The following FOXP1 variants were observed in gnomAD, a reference collection of about 807,000 sequenced individuals.
FOXP1 encodes the protein forkhead box P1.
Under a neutral mutation model 98.2 loss-of-function variants are expected in FOXP1, and 15 were observed. The observed-to-expected ratio is 0.15, with a 90% CI of 0.10 to 0.24. The LOEUF (loss-of-function observed/expected upper bound fraction) is 0.24, where lower values mean the gene tolerates loss of function less well. FOXP1 is among the 10% of genes least tolerant of loss of function. FOXP1 has a pLI of 1.00. For missense variants in FOXP1, 633 were observed against 848.5 expected (o/e 0.75, Z 3.15); for synonymous variants, 371 against 314.5 (o/e 1.18, Z -1.90).
chr3:71,126,809 G>A (rs2059216909), intron 6 of FOXP1, among the ~76,000 whole-genome samples: 1 of 139,882 alleles, frequency 7.1e-6, no homozygotes, highest in African/African-American at 2.7e-5. Context: ...GGGTTACAGA[G>A]CAAGACTCTG....
intron 3 of FOXP1, among the ~76,000 whole-genome samples, chr3:71,404,168 C>T (rs1464356339): frequency 9.5e-6 from 1 of 105,606 alleles, no homozygotes; most frequent in African/African-American, 3.6e-5. Flanking sequence ...GCTCTTGTTG[C>T]CCAGGCTGGA....
chr3:71,341,438 T>C (rs1164026662), intron 4 of FOXP1, among the ~76,000 whole-genome samples: 2 of 152,094 alleles, frequency 1.3e-5, no homozygotes, highest in African/African-American at 4.8e-5. Context: ...GATAAAGCAG[T>C]ACTCAGAGGG....
At chr3:70,972,435 T>G in intron 18 of FOXP1, 120 bp downstream of exon 18, 1 of 1,440,070 alleles carries the variant, frequency 6.9e-7, no homozygotes, top group African/African-American at 1.4e-5. Flanking sequence ...TTGCTTCCCT[T>G]AACTGAGACA....
chr3:71,493,294 A>T (rs2091195130), intron 3 of FOXP1, 132 bp downstream of exon 3: 2 of 152,230 alleles, frequency 1.3e-5, no homozygotes, highest in Non-Finnish European at 2.9e-5. Flanking sequence ...AAAAGATTAC[A>T]CCAGAAAACA....
intron 5 of FOXP1, among the ~76,000 whole-genome samples, chr3:71,213,369 T>G (rs990958482): frequency 4.6e-5 from 7 of 152,222 alleles, no homozygotes; most frequent in African/African-American, 1.7e-4. Context: ...CCTTAACACA[T>G]AAGACCTTTT....
chr3:71,418,121 GT>G (rs869285198), intron 3 of FOXP1, among the ~76,000 whole-genome samples: 7 of 134,248 alleles, frequency 5.2e-5, no homozygotes, highest in Middle Eastern at 3.6e-3. Context: ...TTGTGGGTGT[GT>G]GTGTGTGTGT....
At chr3:71,260,659 C>T (rs967109676) in intron 5 of FOXP1, among the ~76,000 whole-genome samples, 1 of 151,936 alleles carries the variant, frequency 6.6e-6, no homozygotes, top group African/African-American at 2.4e-5. Flanking sequence ...TCTCCTGCCC[C>T]AGCCTTCCAA....
intron 6 of FOXP1, among the ~76,000 whole-genome samples, chr3:71,175,022 C>T (rs1311009628): frequency 1.3e-5 from 2 of 151,906 alleles, no homozygotes; most frequent in Non-Finnish European, 2.9e-5. Flanking sequence ...AAGCCATTCT[C>T]CTGCCTCAGC....
At chr3:71,521,768 C>A (rs957751440) in intron 2 of FOXP1, among the ~76,000 whole-genome samples, 1 of 152,168 alleles carries the variant, frequency 6.6e-6, no homozygotes, top group African/African-American at 2.4e-5. Flanking sequence ...GATCTGGCCA[C>A]ATGAAACTAA....
chr3:71,052,431 A>G lies in FOXP1; in HGVS notation c.510+106T>C, dbSNP rs543294391. On this transcript the variant is annotated intron_variant, in intron 9 of 20. Coordinates refer to ENST00000649528, the MANE Select transcript of FOXP1 (RefSeq NM_001349338.3). ...CAGTCTGAAAGCTGAGAACCGATAG[A>G]GTCAGCTCAGTTGTGCAATCATTTA... 3.8e-6 allele frequency: 3 copies of G among 788,388 alleles called. No homozygotes were observed. The East Asian group carries it at 7.4e-5, about 20-fold the overall frequency. 48.8% of individuals were successfully genotyped at this position (788,388 alleles called of 1,614,324 possible).
At chr3:71,301,507 A>C (rs2073843358) in intron 4 of FOXP1, among the ~76,000 whole-genome samples, 1 of 152,190 alleles carries the variant, frequency 6.6e-6, no homozygotes, top group Non-Finnish European at 1.5e-5. Context: ...GATCCTACTC[A>C]ATTCAAAGCA....
At chr3:71,424,790 A>G (rs1029361884) in intron 3 of FOXP1, among the ~76,000 whole-genome samples, 1 of 152,208 alleles carries the variant, frequency 6.6e-6, no homozygotes, top group African/African-American at 2.4e-5. Flanking sequence ...TCTGTCAGCA[A>G]AAGTGGAGGA....
upstream of FOXP1, chr3:71,583,791 G>A (rs2048382667): frequency 8.1e-6 from 8 of 986,736 alleles, no homozygotes; most frequent in Non-Finnish European, 9.6e-6. Flanking sequence ...GCTTCCCGGA[G>A]CCCAGCCAGC....
At chr3:71,467,564 T>C (rs1560526703) in intron 3 of FOXP1, among the ~76,000 whole-genome samples, 1 of 152,202 alleles carries the variant, frequency 6.6e-6, no homozygotes, top group Non-Finnish European at 1.5e-5. Context: ...ACAGCTCTTG[T>C]ATTAAAGGAA....
At position 71,091,484 on chromosome 3, in the gene FOXP1, C is replaced by A. The variant is rs542152089; in HGVS notation, c.282+21052G>T. The stretch of plus-strand genomic sequence containing the variant: ...CAGCCTGGGTGACAGAGCAAGACTC[C>A]GTCTCAAAACAAAACAAAACAAAAC... On this transcript the variant is annotated intron_variant, in intron 7 of 20. Coordinates refer to ENST00000649528, the MANE Select transcript of FOXP1 (RefSeq NM_001349338.3). Among the ~76,000 whole-genome samples, 17 of 150,060 alleles carry A rather than the reference C, an allele frequency of 1.1e-4. No individual in the cohort carries two copies. The South Asian group carries it at 1.9e-3, about 17-fold the overall frequency.
chr3:71,131,667 C>T (rs762217204), intron 6 of FOXP1, among the ~76,000 whole-genome samples: 12 of 152,176 alleles, frequency 7.9e-5, no homozygotes, highest in East Asian at 3.8e-4. Flanking sequence ...TTCAAAGCAA[C>T]GGCAGCTTGA....
intron 7 of FOXP1, among the ~76,000 whole-genome samples, chr3:71,075,820 T>A (rs1195418186): frequency 6.6e-6 from 1 of 151,962 alleles, no homozygotes; most frequent in Non-Finnish European, 1.5e-5. Flanking sequence ...GCTCAAAGGA[T>A]CCTCCGGCCT....
chr3:71,394,625 T>C (rs1343709276), intron 3 of FOXP1, among the ~76,000 whole-genome samples: 1 of 152,224 alleles, frequency 6.6e-6, no homozygotes, highest in Non-Finnish European at 1.5e-5. Context: ...ATTTTGTATA[T>C]GACTTTGCAT....
intron 7 of FOXP1, chr3:71,065,730 TACA>T (rs1405361346): frequency 6.6e-6 from 1 of 152,236 alleles, no homozygotes; most frequent in Non-Finnish European, 1.5e-5. Flanking sequence ...TTCTTATTTA[TACA>T]ACAATAGCAA....
Sources: allele counts gnomAD v4.1 joint callset (sites outside exome capture counted in the v4.1 genomes callset), GRCh38; gene constraint gnomAD v4.1.1; transcripts MANE v1.5; gene names NCBI Gene and HGNC (gene_info 2026-07-23, HGNC 2026-07-21).